PRDM16: variants seen among roughly 807,000 people sequenced by gnomAD.
PRDM16 encodes the protein PR/SET domain 16, also known as histone-lysine N-methyltransferase PRDM16.
A neutral mutation model predicts 110.6 loss-of-function variants in PRDM16; 23 were observed. The ratio of observed to expected loss-of-function variants is 0.21; its 90% CI spans 0.15 to 0.29. The LOEUF (loss-of-function observed/expected upper bound fraction) is 0.29. Among genes scored for constraint, PRDM16 ranks in the 10% least tolerant of loss-of-function variants. The pLI is 1.00. For synonymous variants in PRDM16, 799 were observed against 781.8 expected (o/e 1.02, Z -0.37); for missense variants, 1,615 against 1,794.3 (o/e 0.90, Z 1.81).
intron 3 of PRDM16, among the ~76,000 whole-genome samples, chr1:3,304,952 C>T (rs537865748): frequency 1.5e-3 from 221 of 152,184 alleles, no homozygotes; most frequent in Non-Finnish European, 2.6e-3. Context: ...CCCTGGTGCC[C>T]GGCGTCTGTG....
intron 1 of PRDM16, among the ~76,000 whole-genome samples, chr1:3,079,217 G>A (rs988230259): frequency 1.2e-4 from 18 of 152,260 alleles, no homozygotes; most frequent in Non-Finnish European, 2.2e-4. Flanking sequence ...GCCGTGATGG[G>A]GAGGAGAGGT....
intron 1 of PRDM16, among the ~76,000 whole-genome samples, chr1:3,162,012 G>A (rs1289225285): frequency 1.3e-5 from 2 of 152,190 alleles, no homozygotes; most frequent in African/African-American, 4.8e-5. Context: ...CCTCCACGTG[G>A]GGCCTCCACA....
At chr1:3,380,741 T>G (rs563328388) in intron 3 of PRDM16, among the ~76,000 whole-genome samples, 10 of 152,262 alleles carry the variant, frequency 6.6e-5, no homozygotes, top group African/African-American at 2.4e-4. Context: ...GGCCATCATG[T>G]GGAAAAGAGA....
intron 1 of PRDM16, among the ~76,000 whole-genome samples, chr1:3,090,374 A>G (rs1393081539): frequency 1.3e-5 from 2 of 152,228 alleles, no homozygotes; most frequent in African/African-American, 2.4e-5. Context: ...GAAGCGCCAC[A>G]TGGCCCTGAG....
intron 2 of PRDM16, among the ~76,000 whole-genome samples, chr1:3,238,557 C>T (rs1451981048): frequency 2.0e-5 from 3 of 152,322 alleles, no homozygotes; most frequent in East Asian, 1.9e-4. Context: ...CGGTTGAGAG[C>T]GCAAGGGTTT....
chr1:3,272,415 C>A (rs1304565473), intron 3 of PRDM16, among the ~76,000 whole-genome samples: 1 of 152,164 alleles, frequency 6.6e-6, no homozygotes, highest in African/African-American at 2.4e-5. Context: ...AATCCATACC[C>A]CGGCCCACAG....
chr1:3,268,824 G>T (rs888559927), intron 3 of PRDM16, among the ~76,000 whole-genome samples: 1 of 152,216 alleles, frequency 6.6e-6, no homozygotes, highest in Admixed American at 6.5e-5. Context: ...CAGTCCAGGG[G>T]CTCCCAGCCT....
intron 2 of PRDM16, among the ~76,000 whole-genome samples, chr1:3,231,915 G>C (rs557468910): frequency 1.3e-5 from 2 of 152,226 alleles, no homozygotes; most frequent in Admixed American, 1.3e-4. Flanking sequence ...TTGCATGGAC[G>C]TTGCAAGACT....
At chr1:3,193,244 G>T (rs1638361803) in intron 2 of PRDM16, among the ~76,000 whole-genome samples, 2 of 152,350 alleles carry the variant, frequency 1.3e-5, no homozygotes, top group South Asian at 4.1e-4. Flanking sequence ...CTGCCTTCCT[G>T]CCCGTCCCGC....
chr1:3,373,307 G>A (rs986051701), intron 3 of PRDM16, among the ~76,000 whole-genome samples: 18 of 152,210 alleles, frequency 1.2e-4, no homozygotes, highest in Admixed American at 2.0e-4. Flanking sequence ...CCTTGAGGTC[G>A]GAAATCGCCA....
At chr1:3,409,179 T>G (rs1425119004) in intron 8 of PRDM16, among the ~76,000 whole-genome samples, 1 of 135,558 alleles carries the variant, frequency 7.4e-6, no homozygotes, top group Non-Finnish European at 1.6e-5. Context: ...GCACGTGAGT[T>G]GGTGCGTGTG....
chr1:3,140,690 T>TG (rs536362389), intron 1 of PRDM16, among the ~76,000 whole-genome samples: 1 of 152,328 alleles, frequency 6.6e-6, no homozygotes, highest in East Asian at 1.9e-4. Flanking sequence ...AGAAGGCGTA[T>TG]GGGGGGTGCA....
At position 3,211,513 on chromosome 1, in the gene PRDM16, T is replaced by C. The variant is rs7537555; in HGVS notation, c.387+25039T>C. 4.5e-3 allele frequency among the ~76,000 whole-genome samples: 683 copies of C among 152,342 alleles called. 6 individuals carry two copies. Among genetic ancestry groups the C allele is most frequent in the African/African-American group, 0.016 (651 of 41,588 alleles). On this transcript the variant is annotated intron_variant, in intron 2 of 16. Transcript: ENST00000270722. ...GAGTCTCTTGGGGCCCGTCGGGGGC[T>C]GCAGCAGATTCGTGTCTTGAAAACA...
At chr1:3,270,055 A>T (rs558808394) in intron 3 of PRDM16, among the ~76,000 whole-genome samples, 30 of 150,456 alleles carry the variant, frequency 2.0e-4, no homozygotes, top group African/African-American at 6.4e-4. Context: ...TGAGTCCCGG[A>T]GGATGACAGT....
intron 1 of PRDM16, among the ~76,000 whole-genome samples, chr1:3,176,681 C>G (rs1359772070): frequency 6.6e-6 from 1 of 151,526 alleles, no homozygotes; most frequent in African/African-American, 2.4e-5. Context: ...ATTCACCTAT[C>G]TATGCATTCA....
At chr1:3,105,695 C>T (rs554157143) in intron 1 of PRDM16, among the ~76,000 whole-genome samples, 4 of 152,342 alleles carry the variant, frequency 2.6e-5, no homozygotes, top group South Asian at 2.1e-4. Context: ...CTCTGCCTCC[C>T]GCAGTAATTA....
chr1:3,221,743 G>A (rs1171733529), intron 2 of PRDM16, among the ~76,000 whole-genome samples: 1 of 152,214 alleles, frequency 6.6e-6, no homozygotes, highest in Non-Finnish European at 1.5e-5. Flanking sequence ...ATGCACAGAC[G>A]CACATGTGTG....
intron 14 of PRDM16, among the ~76,000 whole-genome samples, chr1:3,428,098 AGGAGCGTGTGC>A (rs2100696891): frequency 6.6e-6 from 1 of 152,320 alleles, no homozygotes; most frequent in African/African-American, 2.4e-5. Flanking sequence ...GCCCAGGACC[AGGAGCGTGTGC>A]GGAGGCTGAA....
chr1:3,185,472 G>T (rs1046986608), intron 1 of PRDM16, among the ~76,000 whole-genome samples: 3 of 151,924 alleles, frequency 2.0e-5, no homozygotes, highest in African/African-American at 7.3e-5. Flanking sequence ...GGATGCCCAG[G>T]CTGCGGCCCA....
Sources: allele counts gnomAD v4.1 joint callset (sites outside exome capture counted in the v4.1 genomes callset), GRCh38; gene constraint gnomAD v4.1.1; transcripts MANE v1.5; gene names NCBI Gene and HGNC (gene_info 2026-07-23, HGNC 2026-07-21).